Variants in C17orf78 observed in about 807,000 individuals in gnomAD.
C17orf78 encodes the protein chromosome 17 open reading frame 78, also known as uncharacterized protein C17orf78.
Under a neutral mutation model 31.8 loss-of-function variants are expected in C17orf78, and 27 were observed. The observed-to-expected ratio is 0.85, with a 90% CI of 0.63 to 1.17. The LOEUF (loss-of-function observed/expected upper bound fraction) is 1.17. C17orf78 is among the 50% of genes most tolerant of loss of function. C17orf78 has a pLI of 0.00. For synonymous variants in C17orf78, 106 were observed against 115.1 expected, an observed-to-expected ratio of 0.92 and a Z score of 0.51; for missense variants, 258 against 315.2, an observed-to-expected ratio of 0.82 and a Z score of 1.37.
chr17:37,378,032 T>A, intron 2 of C17orf78, 67 bp downstream of exon 2: 1 of 1,389,728 alleles, frequency 7.2e-7, no homozygotes, highest in Non-Finnish European at 1.0e-6. Context: ...TTAAAAGATA[T>A]CTCATCTTCC....
Position 37,392,002 on chromosome 17 carries a change from G to C in C17orf78, c.*278G>C, listed in dbSNP as rs2050905156. On this transcript the variant is annotated 3_prime_UTR_variant, in exon 7 of 7. Coordinates refer to ENST00000615133, the MANE Select transcript of C17orf78 (RefSeq NM_173625.5). ...AAAAAGTATTCCCTGCAAGCACTATGAATGGACCTTACTACTCTCTTTGAC... is the reference window on the plus strand; with the variant it reads ...AAAAAGTATTCCCTGCAAGCACTATCAATGGACCTTACTACTCTCTTTGAC... The C allele has an allele frequency of 2.2e-6, 1 of 444,754 alleles. No individual in the cohort carries two copies. The highest frequency in any genetic ancestry group is 1.9e-5 in the African/African-American group (1 of 51,540). The allele number at this position is 444,754 out of a possible 1,614,324, so 27.6% of individuals were successfully genotyped here. A position where few individuals can be genotyped will look rare whatever the true frequency, so the allele number is the denominator to read the frequency against.
Position 37,392,491 on chromosome 17 carries a change from G to A in C17orf78, c.*767G>A, listed in dbSNP as rs1220466588. 1 of 152,174 alleles carries A rather than the reference G, an allele frequency of 6.6e-6. No individual in the cohort carries two copies. The highest frequency in any genetic ancestry group is 1.5e-5 in the Non-Finnish European group (1 of 68,034). The allele number at this position is 152,174 out of a possible 1,614,324, so 9.4% of individuals were successfully genotyped here. On this transcript the variant is annotated 3_prime_UTR_variant, in exon 7 of 7. Transcript: ENST00000615133. ...TAACCTGCTTAAATAAGAGTTTGGT[G>A]AGAAAGTGAAACCACCTGATCTTGA... is the stretch of plus-strand genomic sequence containing the variant.
chr17:37,381,883 T>C (rs1055299550), intron 3 of C17orf78, among the ~76,000 whole-genome samples: 3 of 152,130 alleles, frequency 2.0e-5, no homozygotes, highest in African/African-American at 4.8e-5. Flanking sequence ...CGCCTTGGCC[T>C]CCCAAAGTGC....
At chr17:37,390,855 C>G (rs1479868376) in intron 6 of C17orf78, among the ~76,000 whole-genome samples, 4 of 151,698 alleles carry the variant, frequency 2.6e-5, no homozygotes, top group Non-Finnish European at 2.9e-5. Context: ...GAAGGGACTA[C>G]AAAGTCTAGT....
At position 37,379,629 on chromosome 17, in the gene C17orf78, C is replaced by G. The variant is rs529886913; in HGVS notation, c.391+247C>G. 1.3e-4 allele frequency among the ~76,000 whole-genome samples: 20 copies of G among 152,198 alleles called. No homozygotes were observed. The South Asian group carries it at 4.1e-3, about 32-fold the overall frequency. On this transcript the variant is annotated intron_variant, in intron 3 of 6. Coordinates refer to ENST00000615133, the MANE Select transcript of C17orf78 (RefSeq NM_173625.5). ...AGTGGGCAAAGGACATGAACAGACACTTCTCAAAAGAAGACATTTATGCAG... is the reference window on the plus strand; with the variant it reads ...AGTGGGCAAAGGACATGAACAGACAGTTCTCAAAAGAAGACATTTATGCAG...
At chr17:37,380,841 C>T (rs537886745) in intron 3 of C17orf78, among the ~76,000 whole-genome samples, 7 of 152,130 alleles carry the variant, frequency 4.6e-5, no homozygotes, top group African/African-American at 1.7e-4. Context: ...AAGTATCTGC[C>T]CGCCTTGGCC....
rs1568075262 is a variant in C17orf78, at chr17:37,377,966, G to A, written c.145+1G>A. On this transcript the variant is annotated splice_donor_variant, in intron 2 of 6. Transcript: ENST00000615133. LOFTEE classifies it high-confidence loss of function. Reference sequence around the variant, plus strand: ...AGCATCAGAGAATTGCAAATGCAAGGTAGGGAATGGGTCCTTTCTGGAAAA... The same window carrying A: ...AGCATCAGAGAATTGCAAATGCAAGATAGGGAATGGGTCCTTTCTGGAAAA... 1 of 1,613,120 alleles carries A rather than the reference G, an allele frequency of 6.2e-7. No homozygotes were observed. Among genetic ancestry groups the A allele is most frequent in the South Asian group, 1.1e-5 (1 of 91,034 alleles).
intron 3 of C17orf78, among the ~76,000 whole-genome samples, chr17:37,385,250 T>C (rs1029308955): frequency 6.6e-6 from 1 of 152,104 alleles, no homozygotes; most frequent in Non-Finnish European, 1.5e-5. Context: ...GGTGGGCAGA[T>C]CACTTGAGGT....
rs774538336 is a variant in C17orf78 at position 37,389,310 on chromosome 17, G to A, written c.698G>A (p.Gly233Glu). ...TGGTTGTGGAGATGGCAAAAGAAGG[G>A]AGGCCAGCCACCTGGGACAGCTGAA... is the stretch of plus-strand genomic sequence containing the variant. ...CQWLWRWQKK[G>E]GQPPGTAESK... Residue 233 changes from glycine (G) to glutamate (E), a missense_variant, in exon 6 of 7, where the codon GGA becomes GAA. Gly to Glu is a moderately conservative substitution (Grantham distance 98). Transcript: ENST00000615133. 11 of 1,598,488 alleles carry A rather than the reference G, an allele frequency of 6.9e-6. No individual in the cohort carries two copies. In the African/African-American group the frequency reaches 1.1e-4, roughly 16 times the overall value.
At chr17:37,383,027 A>G (rs1190207431) in intron 3 of C17orf78, among the ~76,000 whole-genome samples, 3 of 152,128 alleles carry the variant, frequency 2.0e-5, no homozygotes, top group African/African-American at 7.2e-5. Flanking sequence ...ATAGAGCGAG[A>G]CTCCATCTGA....
intron 3 of C17orf78, among the ~76,000 whole-genome samples, chr17:37,379,752 A>C (rs538499861): frequency 6.2e-4 from 93 of 150,580 alleles, no homozygotes; most frequent in African/African-American, 2.2e-3. Flanking sequence ...TTAGAATGGC[A>C]ATCATTAAAA....
chr17:37,376,112 T>G lies in C17orf78; in HGVS notation c.20T>G (p.Phe7Cys). Residue 7 changes from phenylalanine (F) to cysteine (C), a missense_variant, in exon 1 of 7, where the codon TTC becomes TGC. By Grantham distance (205) the Phe-to-Cys change is radical. Coordinates refer to ENST00000615133, the MANE Select transcript of C17orf78 (RefSeq NM_173625.5). MDTILV[F>C]SLIIASYDAN... is the part of the protein sequence containing the mutation. ...GCTAACATGGATACCATCTTGGTCT[T>G]CAGCCTAATCATTGCATCCTATGAT... The G allele has an allele frequency of 1.2e-6, 2 of 1,613,222 alleles. No homozygotes were observed. The highest frequency in any genetic ancestry group is 1.7e-6 in the Non-Finnish European group (2 of 1,179,180).
chr17:37,389,589 A>G (rs1025924556), intron 6 of C17orf78, among the ~76,000 whole-genome samples: 1 of 152,032 alleles, frequency 6.6e-6, no homozygotes, highest in East Asian at 1.9e-4. Flanking sequence ...CGGAAGGCTG[A>G]GGCAGGAGAA....
In C17orf78 at chr17:37,390,236, AATATATTATAT is replaced by A. The variant is rs1372753088; in HGVS notation, c.750+889_750+899del. ...ATATTTATTATATATAATTATATAT[AATATATTATAT>A]ATATATTATATATAATTATATATAA... On this transcript the variant is annotated intron_variant, in intron 6 of 6. Transcript: ENST00000615133. 6.6e-3 allele frequency among the ~76,000 whole-genome samples: 328 copies of A among 49,946 alleles called. 12 individuals are homozygous for A. The East Asian group carries it at 0.092, about 14-fold the overall frequency. 32.8% of individuals were successfully genotyped at this position (49,946 alleles called of 152,430 possible).
intron 5 of C17orf78, 86 bp from the exon 6 acceptor site, chr17:37,389,160 C>T (rs2050678410): frequency 6.8e-7 from 1 of 1,468,142 alleles, no homozygotes; most frequent in African/African-American, 1.4e-5. Flanking sequence ...AGATGGCTTC[C>T]TTTAAGTTGC....
rs575117941 is a variant in C17orf78, at chr17:37,383,858, AC to A, written c.392-2149del. Among the ~76,000 whole-genome samples the A allele has an allele frequency of 3.9e-5, 6 of 152,304 alleles. No homozygotes were observed. In the East Asian group the frequency reaches 1.2e-3, roughly 29 times the overall value. The stretch of plus-strand genomic sequence containing the variant: ...GAGCCACCTCACTTGGTCCAAAACA[AC>A]CAATTTATGTATGAACTTTTGAAAC... On this transcript the variant is annotated intron_variant, in intron 3 of 6. Transcript: ENST00000615133.
At chr17:37,381,247 G>A (rs1205149072) in intron 3 of C17orf78, among the ~76,000 whole-genome samples, 1 of 151,966 alleles carries the variant, frequency 6.6e-6, no homozygotes, top group South Asian at 2.1e-4. Context: ...GCGCAGTGGC[G>A]CGATCTCGTC....
At chr17:37,376,576 T>C (rs2050012270) in intron 1 of C17orf78, among the ~76,000 whole-genome samples, 1 of 152,112 alleles carries the variant, frequency 6.6e-6, no homozygotes, top group South Asian at 2.1e-4. Flanking sequence ...TGATATTGGG[T>C]GGAATGGCAT....
chr17:37,383,817 C>T (rs1366329552), intron 3 of C17orf78, among the ~76,000 whole-genome samples: 1 of 152,196 alleles, frequency 6.6e-6, no homozygotes, highest in Non-Finnish European at 1.5e-5. Context: ...TCCCAAAGTG[C>T]TGCGATTATA....
Sources: gnomAD v4.1 joint callset for allele counts (sites outside exome capture counted in the v4.1 genomes callset) on GRCh38, gnomAD v4.1.1 for gene constraint, MANE v1.5 for transcripts, NCBI Gene and HGNC (gene_info 2026-07-23, HGNC 2026-07-21) for gene names.